The following CARMIL2 variants were observed in gnomAD, a reference collection of about 807,000 sequenced individuals.
CARMIL2 encodes capping protein regulator and myosin 1 linker 2.
Under a neutral mutation model 173.3 loss-of-function variants are expected in CARMIL2, and 96 were observed. The ratio of observed to expected loss-of-function variants is 0.55; its 90% CI spans 0.47 to 0.66. The LOEUF is 0.66. Ranked by LOEUF, CARMIL2 falls within the 30% of genes least tolerant of loss-of-function variation. The pLI is 0.00. For synonymous variants in CARMIL2, 830 were observed against 817.1 expected, an observed-to-expected ratio of 1.02 and a Z score of -0.27; for missense variants, 1,771 against 1,906.7, an observed-to-expected ratio of 0.93 and a Z score of 1.33.
intron 30 of CARMIL2, 33 bp downstream of exon 30, chr16:67,654,282 G>T: frequency 6.3e-7 from 1 of 1,575,260 alleles, no homozygotes; most frequent in Non-Finnish European, 8.6e-7. Flanking sequence ...GGGTGGGAGA[G>T]GGTGGGATGC....
chr16:67,646,290 C>T lies in CARMIL2; in HGVS notation c.354C>T (p.Val118=). The T allele has an allele frequency of 3.7e-6, 6 of 1,613,662 alleles. No homozygotes were observed. The highest frequency in any genetic ancestry group is 5.1e-6 in the Non-Finnish European group (6 of 1,179,796). The change falls in exon 5 of 38, where the codon GTC becomes GTT. Residue 118 remains valine, a synonymous_variant. Coordinates refer to ENST00000334583, the MANE Select transcript of CARMIL2 (RefSeq NM_001013838.3). This position sits in a 1 kb window ranked among gnomAD's most constrained non-coding sequence, Gnocchi z 4.6. The stretch of plus-strand genomic sequence containing the variant: ...ACGTGGCTGCAGCCATCAAGAAGGT[C>T]TTCCCTCGCTCGACCCTTGGGTGAG... ...AQHVAAAIKK[V]FPRSTLGKLF...
In CARMIL2 at chr16:67,649,957, G is replaced by C; in HGVS notation, c.2071G>C (p.Ala691Pro). 6.2e-7 allele frequency: 1 copy of C among 1,613,350 alleles called. No homozygotes were observed. The highest frequency in any genetic ancestry group is 8.5e-7 in the Non-Finnish European group (1 of 1,179,800). ...CAGCCGCCCGGAACTGACAGCACGT[G>C]CAGTCCATCAGGTGGGCGTCCCCCT... ...QRSRPELTAR[A>P]VHQIQACLLR... The change falls in exon 21 of 38, where the codon GCA becomes CCA. Residue 691 changes from alanine (A) to proline (P), a missense_variant. Ala to Pro is a conservative substitution (Grantham distance 27, BLOSUM62 -1). Transcript: ENST00000334583. This position sits in a 1 kb window ranked among gnomAD's most constrained non-coding sequence, Gnocchi z 6.7.
chr16:67,656,065 ATGG>A lies in CARMIL2; in HGVS notation c.3742_3742+2del. 4 of 1,605,148 alleles carry A rather than the reference ATGG, an allele frequency of 2.5e-6. No homozygotes were observed. Among genetic ancestry groups the A allele is most frequent in the Non-Finnish European group, 3.4e-6 (4 of 1,175,808 alleles). ...GGCGAGATCAAGAAAGCTGGCTCAGATGGTAAGTGGGACCCTGGGGTGTGGCAG... is the reference window on the plus strand; with the variant it reads ...GGCGAGATCAAGAAAGCTGGCTCAGATAAGTGGGACCCTGGGGTGTGGCAG... On this transcript the variant is annotated splice_donor_variant and coding_sequence_variant, in exon 33 of 38. Transcript: ENST00000334583. LOFTEE classifies it high-confidence loss of function.
intron 22 of CARMIL2, 24 bp downstream of exon 22, chr16:67,650,174 G>T: frequency 1.3e-6 from 2 of 1,577,404 alleles, no homozygotes; most frequent in Admixed American, 1.7e-5. Flanking sequence ...CCCCAACCAC[G>T]AGAGGTAGGG....
Position 67,654,773 on chromosome 16 carries a change from C to T in CARMIL2, c.3583-5C>T, listed in dbSNP as rs763621569. 1 of 1,613,394 alleles carries T rather than the reference C, an allele frequency of 6.2e-7. No individual in the cohort carries two copies. Among genetic ancestry groups the T allele is most frequent in the Non-Finnish European group, 8.5e-7 (1 of 1,179,820 alleles). On this transcript the variant is annotated splice_region_variant and splice_polypyrimidine_tract_variant and intron_variant, in intron 31 of 37. Transcript: ENST00000334583. ...TGTCTCCAACTCGAGCATCTCTGTC[C>T]CTAGCGGCGGCCCCTGGAGCGGGGA...
chr16:67,650,498 C>A, intron 22 of CARMIL2: 1 of 359,104 alleles, frequency 2.8e-6, no homozygotes, highest in Non-Finnish European at 5.2e-6. Context: ...GCTGCTCCTT[C>A]ACTGTCTTCA....
rs867012237 is a variant in CARMIL2 at position 67,647,263 on chromosome 16, G to C, written c.688-36G>C. ...CAGGGTGCAGCCCGCTGAGGGCCAG[G>C]GTGCAGCCCGTGAGCCGCCGCCCTC... On this transcript the variant is annotated intron_variant, in intron 9 of 37. Coordinates refer to ENST00000334583, the MANE Select transcript of CARMIL2 (RefSeq NM_001013838.3). 6.8e-6 allele frequency: 11 copies of C among 1,610,864 alleles called. No homozygotes were observed. In the Middle Eastern group the frequency reaches 8.3e-4, roughly 121 times the overall value.
intron 3 of CARMIL2, 55 bp from the exon 4 acceptor site, chr16:67,645,963 C>G: frequency 6.2e-7 from 1 of 1,608,686 alleles, no homozygotes; most frequent in Non-Finnish European, 8.5e-7. Flanking sequence ...AAGGACTGGA[C>G]TTCCATGAGG....
rs2142963372 is a variant in CARMIL2, at chr16:67,657,331, A to G, written c.4195+15A>G. The G allele has an allele frequency of 6.2e-7, 1 of 1,613,372 alleles. No homozygotes were observed. Among genetic ancestry groups the G allele is most frequent in the Non-Finnish European group, 8.5e-7 (1 of 1,179,680 alleles). ...CCCAAGCCTAGGTAAGAGGGGGTCC[A>G]GGCCAGCTGGGAGGGTGGCAGGACT... On this transcript the variant is annotated intron_variant, in intron 37 of 37. Coordinates refer to ENST00000334583, the MANE Select transcript of CARMIL2 (RefSeq NM_001013838.3). The surrounding 1 kb of genome is among the most constrained non-coding windows in gnomAD (Gnocchi z 4.5).
Position 67,648,186 on chromosome 16 carries a change from A to G in CARMIL2, c.1206A>G (p.Gly402=), listed in dbSNP as rs1417855583. The G allele has an allele frequency of 2.5e-6, 4 of 1,604,066 alleles. No homozygotes were observed. The highest frequency in any genetic ancestry group is 3.4e-6 in the Non-Finnish European group (4 of 1,174,742). Residue 402 remains glycine (G), a synonymous_variant, in exon 14 of 38, where the codon GGA becomes GGG. Transcript: ENST00000334583. This position sits in a 1 kb window ranked among gnomAD's most constrained non-coding sequence, Gnocchi z 6.1. ...WMTGRADWRA[G]RGGLGPPAGV... ...CCGGCAGGGCGGACTGGAGGGCGGG[A>G]CGGGGAGGGCTCGGTCCCCCCGCGG...
chr16:67,653,770 C>T lies in CARMIL2; in HGVS notation c.3121-379C>T, dbSNP rs1456315339. Among the ~76,000 whole-genome samples, 13 of 127,482 alleles carry T rather than the reference C, an allele frequency of 1.0e-4. No individual in the cohort carries two copies. The highest frequency in any genetic ancestry group is 2.2e-4 in the Non-Finnish European group (13 of 59,652). 83.6% of individuals were successfully genotyped at this position (127,482 alleles called of 152,430 possible). A position where few individuals can be genotyped will look rare whatever the true frequency, so the allele number is the denominator to read the frequency against. ...CGGCGCCACTGAGCCGGCAGCAGGC[C>T]GGGTGGAGTGGGGGTGGGGTGGGGG... On this transcript the variant is annotated intron_variant, in intron 29 of 37. Coordinates refer to ENST00000334583, the MANE Select transcript of CARMIL2 (RefSeq NM_001013838.3). This position sits in a 1 kb window ranked among gnomAD's most constrained non-coding sequence, Gnocchi z 7.4.
In CARMIL2 at chr16:67,657,408, T is replaced by G. The variant is rs534838527; in HGVS notation, c.4198T>G (p.Ser1400Ala). Residue 1400 changes from serine to alanine, a missense_variant and splice_region_variant, in exon 38 of 38, where the codon TCT (serine) becomes GCT (alanine). Transcript: ENST00000334583. The surrounding 1 kb of genome is among the most constrained non-coding windows in gnomAD (Gnocchi z 4.5). ...LEAPPSPSLG[S>A]GLGTEPLPPQ... ...TCTCTCCCTCCCTCCCCTCACAGGA[T>G]CTGGCCTTGGAACCGAGCCTCTGCC... The G allele has an allele frequency of 1.2e-5, 20 of 1,606,274 alleles. No homozygotes were observed. In the Admixed American group the frequency reaches 2.9e-4, roughly 23 times the overall value.
In CARMIL2 at chr16:67,654,341, C is replaced by T. The variant is rs375747003; in HGVS notation, c.3231C>T (p.Pro1077=). ...RLIQQDRLWA[P]EEDPATEGGA... is the part of the protein sequence containing the mutation. ...CTGGGTGTCCCCACAGCTGGGCCCC[C>T]GAGGAGGACCCGGCCACTGAGGGGG... The change falls in exon 31 of 38, where the codon CCC becomes CCT. Residue 1077 remains proline, a synonymous_variant. Transcript: ENST00000334583. 1.9e-6 allele frequency: 3 copies of T among 1,593,934 alleles called. No individual in the cohort carries two copies. Among genetic ancestry groups the T allele is most frequent in the South Asian group, 1.1e-5 (1 of 88,002 alleles).
Position 67,654,796 on chromosome 16 carries a change from G to A in CARMIL2, c.3601G>A (p.Gly1201Arg). ...TCCCTAGCGGCGGCCCCTGGAGCGGGGAGAAACAGAACTGGCTCCATCCTT... is the reference window on the plus strand; with the variant it reads ...TCCCTAGCGGCGGCCCCTGGAGCGGAGAGAAACAGAACTGGCTCCATCCTT... ...RPDKRRPLER[G>R]ETELAPSFEQ... The change falls in exon 32 of 38, where the codon GGA (glycine) becomes AGA (arginine). Residue 1201 changes from glycine (G) to arginine (R), a missense_variant. Gly to Arg is a moderately radical substitution (Grantham distance 125, BLOSUM62 -2). Transcript: ENST00000334583. 1 of 1,613,476 alleles carries A rather than the reference G, an allele frequency of 6.2e-7. No individual in the cohort carries two copies.
At position 67,648,434 on chromosome 16, in the gene CARMIL2, C is replaced by T. The variant is rs2052644270; in HGVS notation, c.1371C>T (p.Phe457=). ...CCGCGCCGGCCGCGCTGCAGCTCTTCCTCAGCCGCGCGCGGACGCTGCGGC... is the reference window on the plus strand; with the variant it reads ...CCGCGCCGGCCGCGCTGCAGCTCTTTCTCAGCCGCGCGCGGACGCTGCGGC... ...SRAAPAALQL[F]LSRARTLRHL... The change falls in exon 15 of 38, where the codon TTC becomes TTT. Residue 457 remains phenylalanine, a synonymous_variant. Coordinates refer to ENST00000334583, the MANE Select transcript of CARMIL2 (RefSeq NM_001013838.3). The surrounding 1 kb of genome is among the most constrained non-coding windows in gnomAD (Gnocchi z 6.1). 4.6e-6 allele frequency: 7 copies of T among 1,507,528 alleles called. No individual in the cohort carries two copies. The highest frequency in any genetic ancestry group is 6.2e-6 in the Non-Finnish European group (7 of 1,135,002). The allele number at this position is 1,507,528 out of a possible 1,614,324, so 93.4% of individuals were successfully genotyped here.
Position 67,649,363 on chromosome 16 carries a change from T to A in CARMIL2, c.1746+52T>A. 1 of 1,609,152 alleles carries A rather than the reference T, an allele frequency of 6.2e-7. No individual in the cohort carries two copies. The highest frequency in any genetic ancestry group is 1.1e-5 in the South Asian group (1 of 91,038). ...TCGGGCAATTAGACCACTTTGGTCC[T>A]CCTTTCTCTTGTTCCCTCAGACCCT... On this transcript the variant is annotated intron_variant, in intron 19 of 37. Transcript: ENST00000334583. This position sits in a 1 kb window ranked among gnomAD's most constrained non-coding sequence, Gnocchi z 6.7.
chr16:67,657,114 G>GT lies in CARMIL2; in HGVS notation c.4118-125_4118-124insT. 2.2e-6 allele frequency: 2 copies of GT among 909,082 alleles called. No individual in the cohort carries two copies. The highest frequency in any genetic ancestry group is 1.7e-6 in the Non-Finnish European group (1 of 580,196). 56.3% of individuals were successfully genotyped at this position (909,082 alleles called of 1,614,324 possible). A position where few individuals can be genotyped will look rare whatever the true frequency, so the allele number is the denominator to read the frequency against. On this transcript the variant is annotated intron_variant, in intron 36 of 37. Transcript: ENST00000334583. The surrounding 1 kb of genome is among the most constrained non-coding windows in gnomAD (Gnocchi z 4.5). ...CAGGGGTGAGGACGCAGGGACGGGG[G>GT]ATGCTCTGAAGGCAGCAGTGTGTGT...
Position 67,648,901 on chromosome 16 carries a change from G to A in CARMIL2, c.1518G>A (p.Ser506=). The stretch of plus-strand genomic sequence containing the variant: ...CCACCTCCCACATACAGCTGCGCTC[G>A]GCCGGCGCCCAGGTGATACAAGACT... ...HLDLSACELR[S]AGAQVIQDLV... Residue 506 remains serine (S), a synonymous_variant, in exon 17 of 38, where the codon TCG becomes TCA. Transcript: ENST00000334583. This position sits in a 1 kb window ranked among gnomAD's most constrained non-coding sequence, Gnocchi z 6.1. 2 of 1,605,778 alleles carry A rather than the reference G, an allele frequency of 1.2e-6. No individual in the cohort carries two copies. Among genetic ancestry groups the A allele is most frequent in the Non-Finnish European group, 1.7e-6 (2 of 1,176,702 alleles).
chr16:67,647,012 G>A lies in CARMIL2; in HGVS notation c.611+39G>A, dbSNP rs560510321. ...CAGGATGGGAGAGGAGGAAGATCCC[G>A]GGGCCCATATCCCTGGGCCTCAGTT... On this transcript the variant is annotated intron_variant, in intron 8 of 37. Transcript: ENST00000334583. 2.1e-5 allele frequency: 33 copies of A among 1,607,646 alleles called. No individual in the cohort carries two copies. The East Asian group carries it at 3.4e-4, about 16-fold the overall frequency.
Sources: allele counts gnomAD v4.1 joint callset (sites outside exome capture counted in the v4.1 genomes callset), GRCh38; gene constraint gnomAD v4.1.1; non-coding constraint Gnocchi (gnomAD v3.1); transcripts MANE v1.5; gene names NCBI Gene and HGNC (gene_info 2026-07-23, HGNC 2026-07-21).